The following RIT2 variants were observed in gnomAD, a reference collection of about 807,000 sequenced individuals.
The protein encoded by RIT2 is GTP-binding protein Rit2.
In RIT2, 24 loss-of-function variants were observed where a neutral mutation model predicts 23.7. That is an observed-to-expected ratio of 1.01 (90% CI 0.73 to 1.43). The LOEUF (loss-of-function observed/expected upper bound fraction) is 1.43. Ranked by LOEUF, RIT2 falls within the 40% of genes most tolerant of loss-of-function variation. The pLI is 0.00. For missense variants in RIT2, 236 were observed against 266.9 expected, an observed-to-expected ratio of 0.88 and a Z score of 0.81; for synonymous variants, 107 against 91.1, an observed-to-expected ratio of 1.17 and a Z score of -0.99.
chr18:42,748,237 G>A (rs540021684), intron 4 of RIT2, among the ~76,000 whole-genome samples: 16 of 151,524 alleles, frequency 1.1e-4, no homozygotes, highest in African/African-American at 3.6e-4. Context: ...AAAGAAATCC[G>A]CAAGAAAAAA....
chr18:43,003,510 T>G (rs1911154814), intron 2 of RIT2, among the ~76,000 whole-genome samples: 1 of 151,928 alleles, frequency 6.6e-6, no homozygotes, highest in Non-Finnish European at 1.5e-5. Context: ...GATTTTTGTT[T>G]CCTGGCAAAA....
intron 1 of RIT2, among the ~76,000 whole-genome samples, chr18:43,042,330 C>A (rs775478061): frequency 5.3e-5 from 8 of 152,160 alleles, no homozygotes; most frequent in African/African-American, 9.7e-5. Flanking sequence ...CCATCATCAC[C>A]ATTCCTTCCT....
chr18:42,776,617 A>T (rs573807112), intron 4 of RIT2, among the ~76,000 whole-genome samples: 22 of 152,178 alleles, frequency 1.4e-4, no homozygotes, highest in Non-Finnish European at 2.8e-4. Context: ...TAATAAAAAC[A>T]AACTTATGAA....
At chr18:42,995,001 A>G (rs1910946505) in intron 2 of RIT2, among the ~76,000 whole-genome samples, 1 of 151,984 alleles carries the variant, frequency 6.6e-6, no homozygotes, top group Non-Finnish European at 1.5e-5. Context: ...CCTGACCCTC[A>G]CGACTGCATC....
At chr18:43,103,656 G>A (rs1357421940) in intron 1 of RIT2, among the ~76,000 whole-genome samples, 2 of 152,174 alleles carry the variant, frequency 1.3e-5, no homozygotes, top group Admixed American at 6.5e-5. Flanking sequence ...AACAAATTGA[G>A]GGAAAGGAGG....
At chr18:42,856,827 C>CTTTTTTTTTTTT (rs756725926) in intron 4 of RIT2, among the ~76,000 whole-genome samples, 10 of 114,616 alleles carry the variant, frequency 8.7e-5, no homozygotes, top group African/African-American at 2.7e-4. Context: ...CTCTCTCTCT[C>CTTTTTTTTTTTT]TTTTTTTTTT....
chr18:43,021,692 C>T (rs574538863), intron 2 of RIT2, among the ~76,000 whole-genome samples: 5 of 152,046 alleles, frequency 3.3e-5, no homozygotes, highest in South Asian at 2.1e-4. Flanking sequence ...CCATGTAAAA[C>T]GTGCCTTCTT....
intron 3 of RIT2, among the ~76,000 whole-genome samples, chr18:42,926,424 G>T (rs930900565): frequency 3.3e-5 from 5 of 151,774 alleles, no homozygotes; most frequent in African/African-American, 4.8e-5. Context: ...GAAAAGGGTT[G>T]GTTCTTTTTG....
At chr18:42,930,696 AAT>A (rs1909305169) in intron 3 of RIT2, among the ~76,000 whole-genome samples, 1 of 152,150 alleles carries the variant, frequency 6.6e-6, no homozygotes, top group Non-Finnish European at 1.5e-5. Context: ...AGTGAGAGTT[AAT>A]ATTAGACATC....
intron 2 of RIT2, among the ~76,000 whole-genome samples, chr18:43,021,712 C>T (rs1288383815): frequency 6.6e-6 from 1 of 152,074 alleles, no homozygotes; most frequent in Non-Finnish European, 1.5e-5. Context: ...TCCCCTTTGC[C>T]TTCCACCATG....
intron 2 of RIT2, among the ~76,000 whole-genome samples, chr18:43,030,520 A>G (rs537532570): frequency 6.6e-6 from 1 of 152,202 alleles, no homozygotes; most frequent in South Asian, 2.1e-4. Flanking sequence ...TTTTTATGCT[A>G]AAAATAATAC....
intron 4 of RIT2, among the ~76,000 whole-genome samples, chr18:42,802,335 G>A (rs1016693468): frequency 6.6e-6 from 1 of 152,132 alleles, no homozygotes; most frequent in Admixed American, 6.5e-5. Context: ...ATATGGTATA[G>A]TTACAAAAAG....
chr18:43,067,428 T>C (rs1049203985), intron 1 of RIT2, among the ~76,000 whole-genome samples: 31 of 152,156 alleles, frequency 2.0e-4, no homozygotes, highest in African/African-American at 7.2e-4. Flanking sequence ...CATGTTCTTA[T>C]GGTGGTCAGG....
rs79978800 is a variant in RIT2 at position 42,944,107 on chromosome 18, G to A, written c.235-20344C>T. On this transcript the variant is annotated intron_variant, in intron 3 of 4. Transcript: ENST00000326695. Reference sequence around the variant, plus strand: ...CTTCCCTACTTTGAACTAGCTAATGGCTCCCATGTCCTTCAGTGGAAAAAA... The same window carrying A: ...CTTCCCTACTTTGAACTAGCTAATGACTCCCATGTCCTTCAGTGGAAAAAA... Among the ~76,000 whole-genome samples, 3 of 152,092 alleles carry A rather than the reference G, an allele frequency of 2.0e-5. No individual in the cohort carries two copies. In the East Asian group the frequency reaches 5.8e-4, roughly 29 times the overall value.
At chr18:43,072,770 A>G (rs1296482016) in intron 1 of RIT2, among the ~76,000 whole-genome samples, 1 of 152,172 alleles carries the variant, frequency 6.6e-6, no homozygotes, top group African/African-American at 2.4e-5. Flanking sequence ...CACATCTTGC[A>G]AGGTTGTAAC....
At chr18:43,067,581 T>C (rs4436855) in intron 1 of RIT2, among the ~76,000 whole-genome samples, 9,370 of 152,236 alleles carry the variant, frequency 0.062, 497 homozygotes, top group East Asian at 0.25. Flanking sequence ...AGTTTTCAGA[T>C]TGGCAATTAG....
At chr18:42,903,780 T>C (rs1283255495) in intron 4 of RIT2, among the ~76,000 whole-genome samples, 2 of 152,096 alleles carry the variant, frequency 1.3e-5, no homozygotes, top group Non-Finnish European at 2.9e-5. Flanking sequence ...CATTCTTACC[T>C]TGATGCCAAA....
chr18:42,999,785 T>C (rs1350496456), intron 2 of RIT2, among the ~76,000 whole-genome samples: 1 of 151,926 alleles, frequency 6.6e-6, no homozygotes, highest in Non-Finnish European at 1.5e-5. Context: ...AGAAAATAGG[T>C]GGTAAAAAGA....
At chr18:42,931,087 C>T (rs1036109892) in intron 3 of RIT2, among the ~76,000 whole-genome samples, 2 of 152,094 alleles carry the variant, frequency 1.3e-5, no homozygotes, top group Admixed American at 6.6e-5. Context: ...TCATTCCCAT[C>T]ACTAGACTCT....
Sources: allele counts gnomAD v4.1 joint callset (sites outside exome capture counted in the v4.1 genomes callset), GRCh38; gene constraint gnomAD v4.1.1; transcripts MANE v1.5; gene names NCBI Gene and HGNC (gene_info 2026-07-23, HGNC 2026-07-21).